Variants in CFAP74 observed in about 807,000 individuals in gnomAD.
The protein encoded by CFAP74 is cilia and flagella associated protein 74, also known as cilia- and flagella-associated protein 74.
A neutral mutation model predicts 188.9 loss-of-function variants in CFAP74; 124 were observed. The ratio of observed to expected loss-of-function variants is 0.66; its 90% confidence interval spans 0.57 to 0.76. CFAP74 has a LOEUF of 0.76. CFAP74 is among the 30% of genes least tolerant of loss of function. The pLI is 0.00. For missense variants in CFAP74, 2,198 were observed against 2,165.2 expected, an observed-to-expected ratio of 1.02 and a Z score of -0.30; for synonymous variants, 956 against 916.7, an observed-to-expected ratio of 1.04 and a Z score of -0.77.
At chr1:1,938,828 T>C in intron 25 of CFAP74, 27 bp downstream of exon 25, 1 of 1,534,362 alleles carries the variant, frequency 6.5e-7, no homozygotes, top group Non-Finnish European at 8.7e-7. Context: ...CCAGGCCCCC[T>C]GCGTCCCCTC....
chr1:1,976,222 G>GTCCCC (rs1656433964), intron 6 of CFAP74, among the ~76,000 whole-genome samples: 1 of 152,230 alleles, frequency 6.6e-6, no homozygotes, highest in African/African-American at 2.4e-5. Flanking sequence ...TTGGACGCGT[G>GTCCCC]TCCCCCGCAG....
chr1:1,991,351 G>C (rs1657553865), intron 1 of CFAP74, among the ~76,000 whole-genome samples: 1 of 152,188 alleles, frequency 6.6e-6, no homozygotes, highest in South Asian at 2.1e-4. Context: ...GCAACAGAGT[G>C]AGACCCTGTC....
Position 1,926,462 on chromosome 1 carries a change from G to T in CFAP74, c.3823C>A (p.Leu1275Met). ...ISIQNVSPED[L>M]ALDFSLLNPN... ...AGCTGGGTGGACAAGGACACGGCCAGATCCTCGGGAGAGACGTTCTGGATG... is the reference window on the plus strand; with the variant it reads ...AGCTGGGTGGACAAGGACACGGCCATATCCTCGGGAGAGACGTTCTGGATG... The change falls in exon 31 of 39, where the codon CTG (leucine) becomes ATG (methionine). Residue 1275 changes from leucine (L) to methionine (M), a missense_variant. By Grantham distance (15) the Leu-to-Met change is conservative. Coordinates refer to ENST00000682832, the MANE Select transcript of CFAP74 (RefSeq NM_001304360.2). 3 of 1,550,282 alleles carry T rather than the reference G, an allele frequency of 1.9e-6. No individual in the cohort carries two copies. Among genetic ancestry groups the T allele is most frequent in the Non-Finnish European group, 2.6e-6 (3 of 1,146,910 alleles).
chr1:1,947,487 T>C (rs77769952), intron 18 of CFAP74, among the ~76,000 whole-genome samples: 1 of 152,244 alleles, frequency 6.6e-6, no homozygotes, highest in South Asian at 2.1e-4. Context: ...ATCACTTCCC[T>C]GTGGCAGGCT....
rs866485701 is a variant in CFAP74 at position 1,944,365 on chromosome 1, G to A, written c.2452C>T (p.Arg818Trp). 182 of 1,535,878 alleles carry A rather than the reference G, an allele frequency of 1.2e-4. No homozygotes were observed. The highest frequency in any genetic ancestry group is 5.1e-4 in the African/African-American group (37 of 73,032). Residue 818 changes from arginine (R) to tryptophan (W), a missense_variant, in exon 21 of 39, where the codon CGG becomes TGG. Coordinates refer to ENST00000682832, the MANE Select transcript of CFAP74 (RefSeq NM_001304360.2). Reference protein sequence around the residue: ...SVDLKICMYDRLYQDSVLVHT... With the variant: ...SVDLKICMYDWLYQDSVLVHT... ...ACGAGCACAGAGTCCTGGTAGAGCC[G>A]GTCATACATGCAGATCTTCAGGTCC...
At chr1:2,000,859 C>T (rs1462204323) in intron 1 of CFAP74, among the ~76,000 whole-genome samples, 3 of 152,112 alleles carry the variant, frequency 2.0e-5, no homozygotes. Context: ...TAGAGACAGC[C>T]CCGATGGCCA....
chr1:1,927,095 C>T lies in CFAP74; in HGVS notation c.3528-67G>A, dbSNP rs189444965. The T allele has an allele frequency of 3.1e-4, 469 of 1,533,542 alleles. 3 individuals carry two copies. In the African/African-American group the frequency reaches 5.0e-3, roughly 16 times the overall value. 95.0% of individuals were successfully genotyped at this position (1,533,542 alleles called of 1,614,324 possible). A position where few individuals can be genotyped will look rare whatever the true frequency, so the allele number is the denominator to read the frequency against. ...CCCACCATCGGCCCAGGCCGGACCC[C>T]TGCGGCTCTGCCTCAGGGTCCCAGG... On this transcript the variant is annotated intron_variant, in intron 28 of 38. Coordinates refer to ENST00000682832, the MANE Select transcript of CFAP74 (RefSeq NM_001304360.2).
intron 22 of CFAP74, 21 bp from the exon 23 acceptor site, chr1:1,940,424 G>A (rs570732781): frequency 1.2e-4 from 176 of 1,473,462 alleles, no homozygotes; most frequent in Non-Finnish European, 1.6e-4. Flanking sequence ...CAGACAAGGC[G>A]AATGTGCTTT....
chr1:1,965,217 G>A (rs1030046105), intron 12 of CFAP74, among the ~76,000 whole-genome samples, 156 bp from the exon 13 acceptor site: 9 of 151,660 alleles, frequency 5.9e-5, no homozygotes, highest in South Asian at 2.1e-4. Flanking sequence ...CCCATGGCCC[G>A]GGGAGTTGCT....
At chr1:1,989,052 T>C in intron 2 of CFAP74, 79 bp from the exon 3 acceptor site, 2 of 758,570 alleles carry the variant, frequency 2.6e-6, no homozygotes, top group Non-Finnish European at 4.3e-6. Flanking sequence ...ATAAATCTTT[T>C]TCTTTTTTTG....
At chr1:1,954,497 CGGT>C (rs1286887355) in intron 18 of CFAP74, 1 of 154,554 alleles carries the variant, frequency 6.5e-6, no homozygotes, top group African/African-American at 2.4e-5. Context: ...AAAAAGAACT[CGGT>C]GGGCTAGGCG....
chr1:1,994,802 T>C (rs1278923593), intron 1 of CFAP74, among the ~76,000 whole-genome samples: 1 of 152,178 alleles, frequency 6.6e-6, no homozygotes, highest in Non-Finnish European at 1.5e-5. Context: ...GGCAGCCACC[T>C]CTGATCTCTC....
chr1:1,969,382 C>T (rs1655754332), intron 10 of CFAP74, among the ~76,000 whole-genome samples: 1 of 146,732 alleles, frequency 6.8e-6, no homozygotes, highest in Non-Finnish European at 1.5e-5. Flanking sequence ...CCAGCCCTGC[C>T]AAGCCCAGCC....
intron 16 of CFAP74, among the ~76,000 whole-genome samples, chr1:1,958,007 C>T (rs1318305431): frequency 6.6e-6 from 1 of 152,248 alleles, no homozygotes; most frequent in Non-Finnish European, 1.5e-5. Flanking sequence ...GACTGGAACA[C>T]ACCAAATACT....
intron 6 of CFAP74, among the ~76,000 whole-genome samples, chr1:1,980,952 C>T (rs375285847): frequency 5.7e-4 from 87 of 152,328 alleles, no homozygotes; most frequent in African/African-American, 1.9e-3. Flanking sequence ...AGCAGGGACA[C>T]GTGCTGGGGA....
At position 1,973,090 on chromosome 1, in the gene CFAP74, C is replaced by T. The variant is rs368965724; in HGVS notation, c.675-43G>A. The T allele has an allele frequency of 1.8e-5, 25 of 1,424,136 alleles. No homozygotes were observed. Among genetic ancestry groups the T allele is most frequent in the East Asian group, 4.7e-5 (2 of 42,818 alleles). 88.2% of individuals were successfully genotyped at this position (1,424,136 alleles called of 1,614,324 possible). The stretch of plus-strand genomic sequence containing the variant: ...CGTCAGAGGGAAACTCGGCATCACA[C>T]GTCCCATCTGCCCCCAAGCCCTGCA... On this transcript the variant is annotated intron_variant, in intron 7 of 38. Transcript: ENST00000682832. This position sits in a 1 kb window ranked among gnomAD's most constrained non-coding sequence, Gnocchi z 6.2.
chr1:1,956,228 G>C (rs1272667231), intron 17 of CFAP74, among the ~76,000 whole-genome samples: 4 of 152,252 alleles, frequency 2.6e-5, no homozygotes, highest in Non-Finnish European at 5.9e-5. Context: ...GACAGGACAA[G>C]ACGCGCTCAC....
chr1:1,960,249 G>A (rs1353431944), intron 14 of CFAP74: 6 of 552,168 alleles, frequency 1.1e-5, no homozygotes, highest in African/African-American at 6.0e-5. Flanking sequence ...GTGTGCGAAC[G>A]TTTGTGGAGT....
intron 4 of CFAP74, among the ~76,000 whole-genome samples, 173 bp downstream of exon 4, chr1:1,988,339 G>A (rs1383552664): frequency 6.6e-6 from 1 of 152,192 alleles, no homozygotes; most frequent in Non-Finnish European, 1.5e-5. Context: ...GGGAGCGCTG[G>A]GCACTAGCTC....
Sources: allele counts gnomAD v4.1 joint callset (sites outside exome capture counted in the v4.1 genomes callset), GRCh38; gene constraint gnomAD v4.1.1; non-coding constraint Gnocchi (gnomAD v3.1); transcripts MANE v1.5; gene names NCBI Gene and HGNC (gene_info 2026-07-23, HGNC 2026-07-21).